Variants in KDELR1 observed in about 807,000 individuals in gnomAD.
KDELR1 encodes the protein KDEL endoplasmic reticulum protein retention receptor 1.
KDELR1 carries 16 observed loss-of-function variants against 25.5 expected under a neutral mutation model. That is an observed-to-expected ratio of 0.63 (90% confidence interval 0.43 to 0.95). KDELR1 has a LOEUF of 0.95. KDELR1 is among the 40% of genes least tolerant of loss of function. The probability of loss-of-function intolerance (pLI) is 0.00; values close to 1 mark genes in which losing one functional copy is unlikely to be tolerated. For synonymous variants in KDELR1, 121 were observed against 115.0 expected (o/e 1.05, Z -0.33); for missense variants, 159 against 265.2 (o/e 0.60, Z 2.78).
rs376685796 is a variant in KDELR1, at chr19:48,391,249, G to A, written c.91+19C>T. The A allele has an allele frequency of 3.4e-4, 534 of 1,549,920 alleles. No individual in the cohort carries two copies. Among genetic ancestry groups the A allele is most frequent in the South Asian group, 6.8e-4 (57 of 84,052 alleles). On this transcript the variant is annotated intron_variant, in intron 1 of 4. Transcript: ENST00000330720. ...CGCCCGCAATCTCTCTCCTTCGCCA[G>A]CCCTGGTGGGCCTCTCACCGGCGCA...
At chr19:48,385,027 C>T (rs113025920) in intron 3 of KDELR1, among the ~76,000 whole-genome samples, 3,889 of 152,050 alleles carry the variant, frequency 0.026, 160 homozygotes, top group African/African-American at 0.089. Context: ...GCTGGGATTA[C>T]AGGTGCCCAC....
chr19:48,389,843 G>T (rs1970527807), intron 2 of KDELR1, 132 bp from the exon 3 acceptor site: 1 of 912,248 alleles, frequency 1.1e-6, no homozygotes. Flanking sequence ...TCAGACCCAG[G>T]AGTCCAAGCC....
At chr19:48,388,990 G>A (rs1473589855) in intron 3 of KDELR1, among the ~76,000 whole-genome samples, 1 of 152,158 alleles carries the variant, frequency 6.6e-6, no homozygotes, top group Non-Finnish European at 1.5e-5. Flanking sequence ...AGAAGGCTGG[G>A]CCAGGAATGG....
At chr19:48,393,616 G>C (rs772172747), upstream of KDELR1, among the ~76,000 whole-genome samples, 3 of 152,286 alleles carry the variant, frequency 2.0e-5, no homozygotes, top group African/African-American at 7.2e-5. This position sits in a 1 kb window ranked among gnomAD's most constrained non-coding sequence, Gnocchi z 5.6. Flanking sequence ...AGGCCAGGAG[G>C]GGGGGCTGTG....
Position 48,384,354 on chromosome 19 carries a change from C to T in KDELR1, c.480G>A (p.Thr160=), listed in dbSNP as rs142773187. ...HYLFALGVYR[T]LYLFNWIWRY... ...GCCAGATCCAGTTGAAGAGATAGAGCGTGCGGTAAACGCCTAGCGCAAACA... is the reference window on the plus strand; with the variant it reads ...GCCAGATCCAGTTGAAGAGATAGAGTGTGCGGTAAACGCCTAGCGCAAACA... The change falls in exon 4 of 5, where the codon ACG becomes ACA. Residue 160 remains threonine (T), a synonymous_variant. Coordinates refer to ENST00000330720, the MANE Select transcript of KDELR1 (RefSeq NM_006801.3). The surrounding 1 kb of genome is among the most constrained non-coding windows in gnomAD (Gnocchi z 4.6). 3.1e-4 allele frequency: 497 copies of T among 1,614,088 alleles called. No homozygotes were observed. The highest frequency in any genetic ancestry group is 4.0e-4 in the Non-Finnish European group (477 of 1,180,042).
At chr19:48,385,033 CCCA>C (rs1358394595) in intron 3 of KDELR1, among the ~76,000 whole-genome samples, 2 of 151,956 alleles carry the variant, frequency 1.3e-5, no homozygotes, top group Non-Finnish European at 2.9e-5. Context: ...ATTACAGGTG[CCCA>C]CCACCACACC....
chr19:48,387,884 C>T (rs1462839227), intron 3 of KDELR1: 1 of 152,154 alleles, frequency 6.6e-6, no homozygotes, highest in Non-Finnish European at 1.5e-5. Flanking sequence ...TCCTGCCAGG[C>T]CCCAGGAGGC....
chr19:48,391,185 C>G, intron 1 of KDELR1, 83 bp downstream of exon 1: 4 of 1,261,506 alleles, frequency 3.2e-6, no homozygotes, highest in Non-Finnish European at 4.5e-6. Flanking sequence ...CCCTAGTGCC[C>G]CCAAACCCTT....
chr19:48,388,851 GAAGGA>G (rs1970517333), intron 3 of KDELR1, among the ~76,000 whole-genome samples: 1 of 145,582 alleles, frequency 6.9e-6, no homozygotes, highest in Non-Finnish European at 1.5e-5. Context: ...AGGAAAGGAA[GAAGGA>G]AAGGAAGAAA....
Position 48,390,472 on chromosome 19 carries a change from A to C in KDELR1, c.144T>G (p.Tyr48Ter). Residue 48 changes from tyrosine (Y) to a stop codon, truncating the protein, a stop_gained, in exon 2 of 5, where the codon TAT (tyrosine) becomes TAG (stop). Transcript: ENST00000330720. LOFTEE classifies it high-confidence loss of function. ...AGATGTAGTTGGTGAAGAGGTCCAG[A>C]TATCGGGCAGTGAACACCACAGCAA... Reference protein sequence around the residue: ...VLFAVVFTARYLDLFTNYISL... With the variant: ...VLFAVVFTAR 1 of 1,614,122 alleles carries C rather than the reference A, an allele frequency of 6.2e-7. No individual in the cohort carries two copies. The highest frequency in any genetic ancestry group is 8.5e-7 in the Non-Finnish European group (1 of 1,179,984).
At chr19:48,388,931 G>GGAAGGAAA (rs1555890280) in intron 3 of KDELR1, among the ~76,000 whole-genome samples, 2 of 146,324 alleles carry the variant, frequency 1.4e-5, no homozygotes, top group African/African-American at 5.2e-5. Flanking sequence ...AAAGAAAGAA[G>GGAAGGAAA]GAAAGAAAGA....
intron 3 of KDELR1, among the ~76,000 whole-genome samples, chr19:48,386,446 A>C (rs1970498571): frequency 8.2e-6 from 1 of 121,744 alleles, no homozygotes; most frequent in South Asian, 2.5e-4. Flanking sequence ...ATGCTGTTTG[A>C]ATTTTTTTTT....
Position 48,383,033 on chromosome 19 carries a change from G to C in KDELR1, c.*260C>G. 5.5e-6 allele frequency: 3 copies of C among 543,812 alleles called. No individual in the cohort carries two copies. The South Asian group carries it at 6.7e-5, about 12-fold the overall frequency. The allele number at this position is 543,812 out of a possible 1,614,324, so 33.7% of individuals were successfully genotyped here. A position where few individuals can be genotyped will look rare whatever the true frequency, so the allele number is the denominator to read the frequency against. ...TGGGGCCACAGAGTAGAAGAAAAAC[G>C]AGTCATCAGAATCAAAAACTAAAGA... On this transcript the variant is annotated 3_prime_UTR_variant, in exon 5 of 5. Coordinates refer to ENST00000330720, the MANE Select transcript of KDELR1 (RefSeq NM_006801.3).
Position 48,383,288 on chromosome 19 carries a change from C to A in KDELR1, c.*5G>T, listed in dbSNP as rs567654708. On this transcript the variant is annotated 3_prime_UTR_variant, in exon 5 of 5. Coordinates refer to ENST00000330720, the MANE Select transcript of KDELR1 (RefSeq NM_006801.3). ...TGCCGAGGAGAGAGATGGAGAGGACCGGGGCTATGCCGGCAAACTCAACTT... is the reference window on the plus strand; with the variant it reads ...TGCCGAGGAGAGAGATGGAGAGGACAGGGGCTATGCCGGCAAACTCAACTT... 20 of 1,551,834 alleles carry A rather than the reference C, an allele frequency of 1.3e-5. No homozygotes were observed. Among genetic ancestry groups the A allele is most frequent in the Non-Finnish European group, 1.5e-5 (17 of 1,147,100 alleles).
chr19:48,391,447 G>C lies in KDELR1; in HGVS notation c.-89C>G, dbSNP rs1051454638. On this transcript the variant is annotated 5_prime_UTR_variant, in exon 1 of 5. Coordinates refer to ENST00000330720, the MANE Select transcript of KDELR1 (RefSeq NM_006801.3). ...GGCTGCTGGTCTGAACGGGTAGCTG[G>C]GCTGGGGGGACGGAAGAGGGACCCT... 9.6e-7 allele frequency: 1 copy of C among 1,044,892 alleles called. No individual in the cohort carries two copies. The highest frequency in any genetic ancestry group is 1.6e-5 in the African/African-American group (1 of 63,070). The allele number at this position is 1,044,892 out of a possible 1,614,324, so 64.7% of individuals were successfully genotyped here.
chr19:48,385,983 C>T (rs755346743), intron 3 of KDELR1, among the ~76,000 whole-genome samples: 3 of 152,050 alleles, frequency 2.0e-5, no homozygotes, highest in Non-Finnish European at 4.4e-5. Context: ...GGGAGGCTCT[C>T]GTGAAGCCAG....
At chr19:48,393,938 C>T (rs564764073), upstream of KDELR1, among the ~76,000 whole-genome samples, 2 of 151,888 alleles carry the variant, frequency 1.3e-5, no homozygotes, top group South Asian at 4.2e-4. This position sits in a 1 kb window ranked among gnomAD's most constrained non-coding sequence, Gnocchi z 5.6. Context: ...AGCGCTGCGG[C>T]GGCGGAGGGA....
upstream of KDELR1, among the ~76,000 whole-genome samples, chr19:48,395,817 C>T (rs1569056296): frequency 1.3e-5 from 2 of 152,026 alleles, no homozygotes; most frequent in Non-Finnish European, 2.9e-5. Flanking sequence ...AGCCGGAACC[C>T]GGACTCCTGG....
intron 3 of KDELR1, among the ~76,000 whole-genome samples, chr19:48,386,375 C>A (rs540242030): frequency 2.0e-5 from 3 of 152,168 alleles, no homozygotes; most frequent in Middle Eastern, 6.8e-3. Context: ...CCTCACCCTC[C>A]CAAAGTGCTG....
Sources: allele counts gnomAD v4.1 joint callset (sites outside exome capture counted in the v4.1 genomes callset), GRCh38; gene constraint gnomAD v4.1.1; non-coding constraint Gnocchi (gnomAD v3.1); transcripts MANE v1.5; gene names NCBI Gene and HGNC (gene_info 2026-07-23, HGNC 2026-07-21).